Variants in FUBP3 observed in about 807,000 individuals in gnomAD.
FUBP3 encodes the protein far upstream element binding protein 3.
Under a neutral mutation model 85.6 loss-of-function variants are expected in FUBP3, and 28 were observed. The ratio of observed to expected loss-of-function variants is 0.33; its 90% confidence interval spans 0.24 to 0.45. The LOEUF is 0.45. FUBP3 is among the 20% of genes least tolerant of loss of function. The pLI is 1.00. For synonymous variants in FUBP3, 271 were observed against 271.4 expected (o/e 1.00, Z 0.01); for missense variants, 583 against 755.1 (o/e 0.77, Z 2.67).
At position 130,637,199 on chromosome 9, in the gene FUBP3, T is replaced by A. The variant is rs1212225439; in HGVS notation, c.*177T>A. ...AATCAGGAAAATTAGTTACTAAAAA[T>A]TGCTGATCATTTTTGTTTCATTATT... On this transcript the variant is annotated 3_prime_UTR_variant, in exon 19 of 19. Transcript: ENST00000319725. The A allele has an allele frequency of 8.1e-6, 5 of 615,836 alleles. No individual in the cohort carries two copies. Among genetic ancestry groups the A allele is most frequent in the Non-Finnish European group, 1.5e-5 (5 of 344,814 alleles). 38.1% of individuals were successfully genotyped at this position (615,836 alleles called of 1,614,324 possible). A position where few individuals can be genotyped will look rare whatever the true frequency, so the allele number is the denominator to read the frequency against.
rs542997655 is a variant in FUBP3 at position 130,627,569 on chromosome 9, C to T, written c.1117+1064C>T. On this transcript the variant is annotated intron_variant, in intron 12 of 18. Transcript: ENST00000319725. ...TGTGGGCTTATGCTCTTGCAAAATG[C>T]AAGAAACCGTGTTGTCTTTTAGACT... Among the ~76,000 whole-genome samples the T allele has an allele frequency of 2.0e-5, 3 of 152,324 alleles. No homozygotes were observed. In the East Asian group the frequency reaches 5.8e-4, roughly 29 times the overall value.
intron 14 of FUBP3, 135 bp from the exon 15 acceptor site, chr9:130,631,807 C>T: frequency 3.6e-6 from 3 of 827,772 alleles, no homozygotes; most frequent in Admixed American, 1.9e-5. Flanking sequence ...CTGACCTCAG[C>T]GATGGGGTGG....
chr9:130,631,768 C>A, intron 14 of FUBP3, 138 bp downstream of exon 14: 1 of 828,584 alleles, frequency 1.2e-6, no homozygotes. Flanking sequence ...CTTTTCCTCT[C>A]ACCAGCGGTC....
chr9:130,610,118 T>A (rs1831664743), intron 3 of FUBP3, 131 bp downstream of exon 3: 2 of 723,102 alleles, frequency 2.8e-6, no homozygotes, highest in African/African-American at 3.5e-5. Flanking sequence ...TCTTTAAGAC[T>A]CGAGTTTTTT....
At chr9:130,627,316 G>A (rs912717104) in intron 12 of FUBP3, among the ~76,000 whole-genome samples, 6 of 152,254 alleles carry the variant, frequency 3.9e-5, no homozygotes, top group Admixed American at 3.9e-4. Flanking sequence ...ACTGGGTTTC[G>A]TATTTGCCTT....
chr9:130,589,701 ATATATTTTT>A (rs1830523332), intron 1 of FUBP3, among the ~76,000 whole-genome samples: 19 of 28,004 alleles, frequency 6.8e-4, no homozygotes, highest in East Asian at 1.4e-3. Context: ...ATATATATAT[ATATATTTTT>A]TTTTTTTTTT....
intron 1 of FUBP3, among the ~76,000 whole-genome samples, chr9:130,590,915 T>C (rs1177303752): frequency 6.6e-6 from 1 of 152,180 alleles, no homozygotes; most frequent in African/African-American, 2.4e-5. Flanking sequence ...TGCCATATCA[T>C]TGAATCTTCG....
At chr9:130,618,180 G>A (rs1368593107) in intron 8 of FUBP3, among the ~76,000 whole-genome samples, 1 of 152,186 alleles carries the variant, frequency 6.6e-6, no homozygotes, top group Non-Finnish European at 1.5e-5. Context: ...TGAGGCTGGT[G>A]GTGACTGTTT....
At chr9:130,634,645 T>G in intron 16 of FUBP3, 22 bp from the exon 17 acceptor site, 5 of 1,609,626 alleles carry the variant, frequency 3.1e-6, no homozygotes, top group Non-Finnish European at 4.2e-6. Flanking sequence ...AAGGCCTGAC[T>G]GCTTTTGTGT....
At chr9:130,626,588 G>T in intron 12 of FUBP3, 83 bp downstream of exon 12, 1 of 1,408,110 alleles carries the variant, frequency 7.1e-7, no homozygotes, top group East Asian at 2.3e-5. Context: ...AGAACCTTTG[G>T]TGAGGTCCCT....
At chr9:130,600,520 C>T (rs1831104279) in intron 2 of FUBP3, among the ~76,000 whole-genome samples, 2 of 151,834 alleles carry the variant, frequency 1.3e-5, no homozygotes, top group African/African-American at 2.4e-5. Flanking sequence ...TTTTTAAAGA[C>T]AGGGTCTCAC....
rs1831808786 is a variant in FUBP3, at chr9:130,612,720, G to A, written c.274+215G>A. On this transcript the variant is annotated intron_variant, in intron 4 of 18. Coordinates refer to ENST00000319725, the MANE Select transcript of FUBP3 (RefSeq NM_003934.2). The surrounding 1 kb of genome is among the most constrained non-coding windows in gnomAD (Gnocchi z 4.1). The stretch of plus-strand genomic sequence containing the variant: ...GAAACCAGAGCACTGGACTGTGGAT[G>A]TCCCTCCCTTCCCCACCTCTCCCCA... 6.6e-6 allele frequency among the ~76,000 whole-genome samples: 1 copy of A among 152,122 alleles called. No homozygotes were observed. Among genetic ancestry groups the A allele is most frequent in the African/African-American group, 2.4e-5 (1 of 41,430 alleles).
rs1410706864 is a variant in FUBP3, at chr9:130,637,138, G to A, written c.*116G>A. ...ATGAAGAACTGTTGTTTTGTTCTGT[G>A]AAACACTATATTTAGATTAACGGAA... On this transcript the variant is annotated 3_prime_UTR_variant, in exon 19 of 19. Coordinates refer to ENST00000319725, the MANE Select transcript of FUBP3 (RefSeq NM_003934.2). 4.8e-6 allele frequency: 4 copies of A among 837,788 alleles called. No individual in the cohort carries two copies. The highest frequency in any genetic ancestry group is 6.1e-6 in the Non-Finnish European group (3 of 488,374). The allele number at this position is 837,788 out of a possible 1,614,324, so 51.9% of individuals were successfully genotyped here. A position where few individuals can be genotyped will look rare whatever the true frequency, so the allele number is the denominator to read the frequency against.
chr9:130,594,291 T>TA (rs1347024581), intron 1 of FUBP3, among the ~76,000 whole-genome samples: 2 of 149,248 alleles, frequency 1.3e-5, no homozygotes, highest in East Asian at 4.0e-4. Flanking sequence ...TATTAAAAAT[T>TA]AAAAAAATAG....
At chr9:130,585,522 T>C (rs1277344052) in intron 1 of FUBP3, among the ~76,000 whole-genome samples, 1 of 152,204 alleles carries the variant, frequency 6.6e-6, no homozygotes, top group African/African-American at 2.4e-5. Context: ...ATAGGCTGTT[T>C]AAAGATCTTC....
At chr9:130,625,682 T>G (rs1226388575) in intron 11 of FUBP3, among the ~76,000 whole-genome samples, 1 of 152,216 alleles carries the variant, frequency 6.6e-6, no homozygotes, top group African/African-American at 2.4e-5. Context: ...TAGGTTTTTC[T>G]CTCTGCTGGG....
In FUBP3 at chr9:130,629,780, C is replaced by T. The variant is rs141570680; in HGVS notation, c.1118-848C>T. Among the ~76,000 whole-genome samples the T allele has an allele frequency of 4.5e-3, 685 of 152,328 alleles. 5 individuals carry two copies. The highest frequency in any genetic ancestry group is 0.016 in the African/African-American group (650 of 41,562). Reference sequence around the variant, plus strand: ...CTTTGGAGCAGATTACCTTTTTCTCCACTTTTCCAAACTGTGCTCCAAGTT... The same window carrying T: ...CTTTGGAGCAGATTACCTTTTTCTCTACTTTTCCAAACTGTGCTCCAAGTT... On this transcript the variant is annotated intron_variant, in intron 12 of 18. Coordinates refer to ENST00000319725, the MANE Select transcript of FUBP3 (RefSeq NM_003934.2).
chr9:130,606,066 A>T (rs2119056295), intron 2 of FUBP3, among the ~76,000 whole-genome samples: 1 of 152,366 alleles, frequency 6.6e-6, no homozygotes, highest in Middle Eastern at 3.4e-3. Flanking sequence ...AATTTGCAAA[A>T]TTAATAAATT....
At chr9:130,603,363 A>AC (rs1301624734) in intron 2 of FUBP3, among the ~76,000 whole-genome samples, 2 of 145,714 alleles carry the variant, frequency 1.4e-5, no homozygotes, top group Non-Finnish European at 3.0e-5. Context: ...AAAAAAAAAA[A>AC]AAAAACAAAT....
Sources: allele counts gnomAD v4.1 joint callset (sites outside exome capture counted in the v4.1 genomes callset), GRCh38; gene constraint gnomAD v4.1.1; non-coding constraint Gnocchi (gnomAD v3.1); transcripts MANE v1.5; gene names NCBI Gene and HGNC (gene_info 2026-07-23, HGNC 2026-07-21).